Variants in DDHD2 observed in about 807,000 individuals in gnomAD.
The protein encoded by DDHD2 is triacylglycerol hydrolase DDHD2.
DDHD2 carries 62 observed loss-of-function variants against 91.2 expected under a neutral mutation model. The observed-to-expected ratio is 0.68, with a 90% CI of 0.55 to 0.84. DDHD2 has a LOEUF of 0.84. Ranked by LOEUF, DDHD2 falls within the 40% of genes least tolerant of loss-of-function variation. The probability of loss-of-function intolerance (pLI) is 0.00; values close to 1 mark genes in which losing one functional copy is unlikely to be tolerated. For missense variants in DDHD2, 740 were observed against 846.9 expected (o/e 0.87, Z 1.57); for synonymous variants, 271 against 293.9 (o/e 0.92, Z 0.80).
intron 5 of DDHD2, chr8:38,239,064 A>G (rs887939247): frequency 1.3e-5 from 2 of 152,148 alleles, no homozygotes; most frequent in African/African-American, 4.8e-5. Context: ...ATTTCTAGTT[A>G]TTTAGAAATA....
chr8:38,238,576 C>T (rs1804989087), intron 5 of DDHD2: 1 of 1,038,466 alleles, frequency 9.6e-7, no homozygotes, highest in South Asian at 3.4e-5. Flanking sequence ...TGTTTTTCAG[C>T]AGGACCTGAT....
intron 3 of DDHD2, among the ~76,000 whole-genome samples, chr8:38,235,202 A>C (rs558791829): frequency 1.2e-4 from 19 of 152,176 alleles, no homozygotes; most frequent in African/African-American, 4.6e-4. Flanking sequence ...TCCCCTTTTC[A>C]ATCCTTGAAA....
rs567674463 is a variant in DDHD2, at chr8:38,254,789, G to A, written c.2054+1071G>A. ...TATAATCCCAGCACTTTGGGAGGCC[G>A]AGGAAGGAGGATTGCTTGAGGCCAG... On this transcript the variant is annotated intron_variant, in intron 16 of 17. Coordinates refer to ENST00000397166, the MANE Select transcript of DDHD2 (RefSeq NM_015214.3). 1.2e-4 allele frequency among the ~76,000 whole-genome samples: 18 copies of A among 152,094 alleles called. No homozygotes were observed. In the South Asian group the frequency reaches 3.7e-3, roughly 32 times the overall value.
rs376057923 is a variant in DDHD2, at chr8:38,245,855, A to G, written c.962A>G (p.Asp321Gly). 1 of 1,614,038 alleles carries G rather than the reference A, an allele frequency of 6.2e-7. No individual in the cohort carries two copies. Among genetic ancestry groups the G allele is most frequent in the Non-Finnish European group, 8.5e-7 (1 of 1,180,024 alleles). The change falls in exon 8 of 18, where the codon GAC (aspartate) becomes GGC (glycine). Residue 321 changes from aspartate (D) to glycine (G), a missense_variant. Coordinates refer to ENST00000397166, the MANE Select transcript of DDHD2 (RefSeq NM_015214.3). Reference protein sequence around the residue: ...NSPTYCQTIVDTVASEMNRIY... With the variant: ...NSPTYCQTIVGTVASEMNRIY... ...CCCACCTACTGTCAGACTATTGTGG[A>G]CACAGTTGCTTCTGAAATGAACCGA...
intron 16 of DDHD2, among the ~76,000 whole-genome samples, chr8:38,254,282 G>A (rs1481373053): frequency 6.6e-6 from 1 of 152,080 alleles, no homozygotes; most frequent in Non-Finnish European, 1.5e-5. Flanking sequence ...GGCCATTTAG[G>A]TGCACATGAA....
chr8:38,267,426 T>TTAAC (rs1413029091), downstream of DDHD2: 8 of 1,603,636 alleles, frequency 5.0e-6, no homozygotes, highest in Non-Finnish European at 6.8e-6. Flanking sequence ...ACGTAAATCA[T>TTAAC]TAACTCCAGA....
intron 1 of DDHD2, chr8:38,268,695 G>C: frequency 7.0e-6 from 10 of 1,433,126 alleles, no homozygotes; most frequent in Non-Finnish European, 9.1e-6. Context: ...TCAGCCCAAA[G>C]AGGCTCGGAC....
intron 3 of DDHD2, among the ~76,000 whole-genome samples, chr8:38,236,087 A>G (rs1047228687): frequency 2.0e-5 from 3 of 152,090 alleles, no homozygotes; most frequent in Non-Finnish European, 4.4e-5. Context: ...ATCTTGGCTC[A>G]TTGCAAGCTC....
intron 13 of DDHD2, 79 bp from the exon 14 acceptor site, chr8:38,252,641 CAA>C (rs200837621): frequency 0.035 from 23,889 of 690,110 alleles, no homozygotes; most frequent in South Asian, 0.043. Flanking sequence ...GACCTCATCT[CAA>C]AAAAAAAAAA....
At chr8:38,244,159 G>A (rs1805450733) in intron 7 of DDHD2, among the ~76,000 whole-genome samples, 1 of 152,152 alleles carries the variant, frequency 6.6e-6, no homozygotes, top group African/African-American at 2.4e-5. Flanking sequence ...TGTTGGCCAA[G>A]CTGGTTTTGA....
intron 16 of DDHD2, among the ~76,000 whole-genome samples, chr8:38,255,626 T>C (rs1806456299): frequency 6.6e-6 from 1 of 152,164 alleles, no homozygotes; most frequent in South Asian, 2.1e-4. Flanking sequence ...TTAAAGGCAA[T>C]GTTCTGTGCC....
Position 38,252,035 on chromosome 8 carries a change from A to G in DDHD2, c.1461+7A>G. The G allele has an allele frequency of 2.5e-6, 4 of 1,612,826 alleles. No homozygotes were observed. The South Asian group carries it at 3.3e-5, about 13-fold the overall frequency. Reference sequence around the variant, plus strand: ...GGATGTTGGCATTGGGCAGGTAACTAATTCTCTTTGATCATTTTACAGCCT... The same window carrying G: ...GGATGTTGGCATTGGGCAGGTAACTGATTCTCTTTGATCATTTTACAGCCT... On this transcript the variant is annotated splice_region_variant and intron_variant, in intron 12 of 17. Coordinates refer to ENST00000397166, the MANE Select transcript of DDHD2 (RefSeq NM_015214.3).
downstream of DDHD2, chr8:38,264,835 G>A (rs980295658): frequency 8.8e-6 from 14 of 1,583,838 alleles, no homozygotes; most frequent in African/African-American, 1.2e-4. Context: ...CACATCTTAA[G>A]TAAGTATAAT....
chr8:38,245,760 C>T lies in DDHD2; in HGVS notation c.867C>T (p.Thr289=). The T allele has an allele frequency of 6.2e-7, 1 of 1,614,020 alleles. No individual in the cohort carries two copies. The highest frequency in any genetic ancestry group is 8.5e-7 in the Non-Finnish European group (1 of 1,180,004). Residue 289 remains threonine (T), a synonymous_variant, in exon 8 of 18, where the codon ACC becomes ACT. Coordinates refer to ENST00000397166, the MANE Select transcript of DDHD2 (RefSeq NM_015214.3). ...TGVDVDLQRI[T]LPSINRLRHF... is the part of the protein sequence containing the mutation. The stretch of plus-strand genomic sequence containing the variant: ...TTTTCAGAGATCTGCAGCGAATAAC[C>T]CTGCCCAGCATTAACCGCCTCAGGC...
intron 1 of DDHD2, 93 bp from the exon 2 acceptor site, chr8:38,232,894 A>T: frequency 1.3e-6 from 1 of 753,776 alleles, no homozygotes; most frequent in Non-Finnish European, 2.2e-6. Flanking sequence ...TGTTGCAGAA[A>T]TGGCTCCGTA....
chr8:38,240,230 ATGAC>A, intron 5 of DDHD2, 41 bp from the exon 6 acceptor site: 1 of 1,175,886 alleles, frequency 8.5e-7, no homozygotes, highest in Non-Finnish European at 1.2e-6. Flanking sequence ...ATTAGAATAC[ATGAC>A]TAATTATACA....
At chr8:38,248,835 C>G (rs916728577) in intron 10 of DDHD2, among the ~76,000 whole-genome samples, 55 of 150,632 alleles carry the variant, frequency 3.7e-4, no homozygotes, top group African/African-American at 1.3e-3. Flanking sequence ...GTCCCAGCTA[C>G]TTGGGAGGCT....
chr8:38,238,225 T>C lies in DDHD2; in HGVS notation c.622+16T>C. ...ATTCATTGTGGTAATGTTAATCGTT[T>C]ATTTTTTCTTACCTTTGGATGTATT... On this transcript the variant is annotated intron_variant, in intron 5 of 17. Transcript: ENST00000397166. 6.2e-7 allele frequency: 1 copy of C among 1,613,322 alleles called. No homozygotes were observed. Among genetic ancestry groups the C allele is most frequent in the Non-Finnish European group, 8.5e-7 (1 of 1,179,528 alleles).
chr8:38,244,402 A>G (rs1174501300), intron 7 of DDHD2, among the ~76,000 whole-genome samples: 2 of 151,318 alleles, frequency 1.3e-5, no homozygotes. Context: ...GGCTGGGACT[A>G]CAGTCATGCG....
Sources: gnomAD v4.1 joint callset for allele counts (sites outside exome capture counted in the v4.1 genomes callset) on GRCh38, gnomAD v4.1.1 for gene constraint, MANE v1.5 for transcripts, NCBI Gene and HGNC (gene_info 2026-07-23, HGNC 2026-07-21) for gene names.